PGBD5: variants seen among roughly 807,000 people sequenced by gnomAD.
The protein encoded by PGBD5 is piggyBac transposable element-derived protein 5.
In PGBD5, 14 loss-of-function variants were observed where a neutral mutation model predicts 47.9. The observed-to-expected ratio is 0.29, with a 90% CI of 0.19 to 0.46. The LOEUF is 0.46. PGBD5 is among the 20% of genes least tolerant of loss of function. The probability of loss-of-function intolerance (pLI) is 1.00; values close to 1 mark genes in which losing one functional copy is unlikely to be tolerated. For missense variants in PGBD5, 635 were observed against 716.0 expected, an observed-to-expected ratio of 0.89 and a Z score of 1.29; for synonymous variants, 316 against 306.3, an observed-to-expected ratio of 1.03 and a Z score of -0.33.
At chr1:230,413,797 C>T (rs970080720) in intron 1 of PGBD5, among the ~76,000 whole-genome samples, 1 of 152,072 alleles carries the variant, frequency 6.6e-6, no homozygotes, top group Admixed American at 6.5e-5. Flanking sequence ...GTGGATCGGC[C>T]GTTTGTCTTC....
At chr1:230,396,217 AT>A (rs1656958221) in intron 1 of PGBD5, among the ~76,000 whole-genome samples, 1 of 41,942 alleles carries the variant, frequency 2.4e-5, no homozygotes, top group Non-Finnish European at 3.8e-5. Context: ...TTTTACTCAC[AT>A]TCCTCCTTTT....
chr1:230,422,196 G>A (rs763930114), intron 1 of PGBD5, among the ~76,000 whole-genome samples: 1 of 151,812 alleles, frequency 6.6e-6, no homozygotes, highest in Admixed American at 6.6e-5. Context: ...TCAGATCCCA[G>A]CCAGCCATGA....
intron 2 of PGBD5, among the ~76,000 whole-genome samples, chr1:230,351,979 C>T (rs917415196): frequency 3.9e-5 from 6 of 152,270 alleles, no homozygotes; most frequent in East Asian, 3.9e-4. Context: ...ACTTCAGGAA[C>T]GTGCTACACT....
intron 1 of PGBD5, among the ~76,000 whole-genome samples, chr1:230,362,975 C>T (rs1667771371): frequency 6.6e-6 from 1 of 152,078 alleles, no homozygotes; most frequent in South Asian, 2.1e-4. Flanking sequence ...CGGTCACATC[C>T]CTGAGGATGC....
intron 1 of PGBD5, among the ~76,000 whole-genome samples, chr1:230,387,570 T>A (rs1453958322): frequency 6.6e-6 from 1 of 152,212 alleles, no homozygotes; most frequent in African/African-American, 2.4e-5. Context: ...AAAAAGAGAC[T>A]CACCTTGTTT....
At chr1:230,344,246 C>T (rs1250838065) in intron 3 of PGBD5, among the ~76,000 whole-genome samples, 3 of 151,840 alleles carry the variant, frequency 2.0e-5, no homozygotes, top group African/African-American at 7.3e-5. Context: ...GATCACGCCA[C>T]TACACTCCAG....
intron 2 of PGBD5, among the ~76,000 whole-genome samples, chr1:230,352,041 T>C (rs534117069): frequency 3.9e-4 from 59 of 152,298 alleles, no homozygotes; most frequent in Non-Finnish European, 7.1e-4. Flanking sequence ...TGTGCATCTG[T>C]AGGGAACTGA....
chr1:230,317,343 C>A lies in PGBD5; in HGVS notation c.*6082G>T, dbSNP rs923810611. ...GGCTCCACACCCTGTAGAGTCACCACGGCTCTCAGAGTGTCACTTTCCCAT... is the reference window on the plus strand; with the variant it reads ...GGCTCCACACCCTGTAGAGTCACCAAGGCTCTCAGAGTGTCACTTTCCCAT... On this transcript the variant is annotated 3_prime_UTR_variant, in exon 7 of 7. Transcript: ENST00000391860. The A allele has an allele frequency of 1.3e-5, 2 of 152,176 alleles. No homozygotes were observed. The highest frequency in any genetic ancestry group is 2.4e-5 in the African/African-American group (1 of 41,432). The allele number at this position is 152,176 out of a possible 1,614,324, so 9.4% of individuals were successfully genotyped here.
intron 1 of PGBD5, among the ~76,000 whole-genome samples, chr1:230,411,199 C>T (rs1657401311): frequency 6.6e-6 from 1 of 152,110 alleles, no homozygotes; most frequent in Non-Finnish European, 1.5e-5. Flanking sequence ...GGGAGGATTG[C>T]TTGGGCCTGG....
At chr1:230,327,778 G>A (rs1471246214) in intron 5 of PGBD5, among the ~76,000 whole-genome samples, 2 of 152,218 alleles carry the variant, frequency 1.3e-5, no homozygotes, top group African/African-American at 2.4e-5. Flanking sequence ...TCTCTCCAAC[G>A]CCCCTCCTGA....
At position 230,425,453 on chromosome 1, in the gene PGBD5, C is replaced by A; in HGVS notation, c.331+145G>T. Reference sequence around the variant, plus strand: ...CCCCCAGGAGCAGTCAGACCGATCACCGCTCCTGCAGCCTCATTTGTTTCC... The same window carrying A: ...CCCCCAGGAGCAGTCAGACCGATCAACGCTCCTGCAGCCTCATTTGTTTCC... On this transcript the variant is annotated intron_variant, in intron 1 of 6. Coordinates refer to ENST00000391860, the MANE Select transcript of PGBD5 (RefSeq NM_001258311.2). The surrounding 1 kb of genome is among the most constrained non-coding windows in gnomAD (Gnocchi z 4.7). The A allele has an allele frequency of 1.7e-6, 1 of 596,720 alleles. No homozygotes were observed. Among genetic ancestry groups the A allele is most frequent in the Non-Finnish European group, 2.4e-6 (1 of 416,202 alleles). 37.0% of individuals were successfully genotyped at this position (596,720 alleles called of 1,614,324 possible). A position where few individuals can be genotyped will look rare whatever the true frequency, so the allele number is the denominator to read the frequency against.
At position 230,335,158 on chromosome 1, in the gene PGBD5, GAC is replaced by G. The variant is rs369154723; in HGVS notation, c.1075+1948_1075+1949del. On this transcript the variant is annotated intron_variant, in intron 4 of 6. Transcript: ENST00000391860. Reference sequence around the variant, plus strand: ...ACATACATACACAGGTACACATACAGACACACACAGACACACAGACACACAGA... The same window carrying G: ...ACATACATACACAGGTACACATACAGACACACAGACACACAGACACACAGA... 3.6e-3 allele frequency among the ~76,000 whole-genome samples: 363 copies of G among 100,822 alleles called. 9 individuals carry two copies. The highest frequency in any genetic ancestry group is 0.014 in the African/African-American group (331 of 24,140). The allele number at this position is 100,822 out of a possible 152,430, so 66.1% of individuals were successfully genotyped here.
chr1:230,398,520 G>A (rs1006673644), intron 1 of PGBD5, among the ~76,000 whole-genome samples: 2 of 152,168 alleles, frequency 1.3e-5, no homozygotes, highest in African/African-American at 4.8e-5. Flanking sequence ...AAGTACTAGG[G>A]GTTAGGACTT....
rs1416978044 is a variant in PGBD5, at chr1:230,323,093, C to T, written c.*332G>A. 1 of 290,862 alleles carries T rather than the reference C, an allele frequency of 3.4e-6. No homozygotes were observed. Among genetic ancestry groups the T allele is most frequent in the Non-Finnish European group, 6.5e-6 (1 of 154,806 alleles). 18.0% of individuals were successfully genotyped at this position (290,862 alleles called of 1,614,324 possible). A position where few individuals can be genotyped will look rare whatever the true frequency, so the allele number is the denominator to read the frequency against. ...TTAGAGCGTGCTCCAGCTCATTCTA[C>T]CACGGGGGCCTTCCTTCACAGTCAC... is the stretch of plus-strand genomic sequence containing the variant. On this transcript the variant is annotated 3_prime_UTR_variant, in exon 7 of 7. Coordinates refer to ENST00000391860, the MANE Select transcript of PGBD5 (RefSeq NM_001258311.2). This position sits in a 1 kb window ranked among gnomAD's most constrained non-coding sequence, Gnocchi z 4.1.
At chr1:230,348,742 G>C (rs528693919) in intron 3 of PGBD5, among the ~76,000 whole-genome samples, 1 of 152,156 alleles carries the variant, frequency 6.6e-6, no homozygotes, top group African/African-American at 2.4e-5. Context: ...CTTTCCCTGC[G>C]CTGTGCCTGC....
At chr1:230,392,848 C>T (rs539017436) in intron 1 of PGBD5, among the ~76,000 whole-genome samples, 5 of 152,052 alleles carry the variant, frequency 3.3e-5, no homozygotes, top group Admixed American at 2.0e-4. Flanking sequence ...GCAGGCCTGG[C>T]TGACAGCACA....
chr1:230,356,402 A>G (rs1333852181), intron 2 of PGBD5, among the ~76,000 whole-genome samples: 1 of 152,178 alleles, frequency 6.6e-6, no homozygotes, highest in Non-Finnish European at 1.5e-5. Context: ...GAGCTCTGCC[A>G]AACCCTCATC....
chr1:230,379,716 A>T (rs1331597830), intron 1 of PGBD5, among the ~76,000 whole-genome samples: 1 of 152,184 alleles, frequency 6.6e-6, no homozygotes, highest in Non-Finnish European at 1.5e-5. Flanking sequence ...CTTCCTCTGC[A>T]CCCTCGTAGT....
At chr1:230,331,594 C>T (rs1041788576) in intron 5 of PGBD5, among the ~76,000 whole-genome samples, 1 of 151,974 alleles carries the variant, frequency 6.6e-6, no homozygotes, top group Non-Finnish European at 1.5e-5. Flanking sequence ...TCTTTTCCTT[C>T]TTCATCTCCT....
Sources: allele counts gnomAD v4.1 joint callset (sites outside exome capture counted in the v4.1 genomes callset), GRCh38; gene constraint gnomAD v4.1.1; non-coding constraint Gnocchi (gnomAD v3.1); transcripts MANE v1.5; gene names NCBI Gene and HGNC (gene_info 2026-07-23, HGNC 2026-07-21).